The following TMEM59L variants were observed in gnomAD, a reference collection of about 807,000 sequenced individuals.
The protein encoded by TMEM59L is transmembrane protein 59-like.
Under a neutral mutation model 39.6 loss-of-function variants are expected in TMEM59L, and 31 were observed. The ratio of observed to expected loss-of-function variants is 0.78; its 90% CI spans 0.59 to 1.06. The LOEUF (loss-of-function observed/expected upper bound fraction) is 1.06, where lower values mean the gene tolerates loss of function less well. TMEM59L is among the 50% of genes least tolerant of loss of function. The probability of loss-of-function intolerance (pLI) is 0.00; values close to 1 mark genes in which losing one functional copy is unlikely to be tolerated. For synonymous variants in TMEM59L, 219 were observed against 202.9 expected, an observed-to-expected ratio of 1.08 and a Z score of -0.68; for missense variants, 441 against 451.3, an observed-to-expected ratio of 0.98 and a Z score of 0.21.
Position 18,612,889 on chromosome 19 carries a change from C to A in TMEM59L, c.-70C>A. On this transcript the variant is annotated 5_prime_UTR_variant, in exon 1 of 8. Coordinates refer to ENST00000262817, the MANE Select transcript of TMEM59L (RefSeq NM_012109.3). The surrounding 1 kb of genome is among the most constrained non-coding windows in gnomAD (Gnocchi z 6.2). ...GGTGACGTCAGCGCCCCGGTCCCCGCCGCAGCCGCTGCATCCTCCGTGCCC... is the reference window on the plus strand; with the variant it reads ...GGTGACGTCAGCGCCCCGGTCCCCGACGCAGCCGCTGCATCCTCCGTGCCC... 1 of 1,230,498 alleles carries A rather than the reference C, an allele frequency of 8.1e-7. No homozygotes were observed. The highest frequency in any genetic ancestry group is 3.2e-5 in the East Asian group (1 of 31,238). The allele number at this position is 1,230,498 out of a possible 1,614,324, so 76.2% of individuals were successfully genotyped here.
At chr19:18,617,838 AGGGTTCCAT>A in intron 5 of TMEM59L, 1 of 424,646 alleles carries the variant, frequency 2.4e-6, no homozygotes, top group East Asian at 5.4e-5. Flanking sequence ...TCCATCTCCC[AGGGTTCCAT>A]GGGTTCATCT....
chr19:18,613,789 C>T, intron 1 of TMEM59L, 83 bp from the exon 2 acceptor site: 1 of 1,155,688 alleles, frequency 8.7e-7, no homozygotes, highest in Non-Finnish European at 1.2e-6. Context: ...AAGCCTTTCC[C>T]TGCCTCTGCT....
Position 18,613,018 on chromosome 19 carries a change from G to C in TMEM59L, c.60G>C (p.Pro20=). 1.4e-6 allele frequency: 2 copies of C among 1,385,562 alleles called. No homozygotes were observed. The highest frequency in any genetic ancestry group is 1.6e-5 in the South Asian group (1 of 62,772). The allele number at this position is 1,385,562 out of a possible 1,614,324, so 85.8% of individuals were successfully genotyped here. A position where few individuals can be genotyped will look rare whatever the true frequency, so the allele number is the denominator to read the frequency against. The change falls in exon 1 of 8, where the codon CCG becomes CCC. Residue 20 remains proline, a synonymous_variant. Coordinates refer to ENST00000262817, the MANE Select transcript of TMEM59L (RefSeq NM_012109.3). ...TGCTGCTGCTGCTGTTGGCGTCGCC[G>C]CCCGCCGCCTCCGCGCCGTCCGCCC... The part of the protein sequence containing the change: ...PLLLLLLLAS[P]PAASAPSARD...
chr19:18,613,056 C>G lies in TMEM59L; in HGVS notation c.98C>G (p.Ala33Gly). Residue 33 changes from alanine to glycine, a missense_variant, in exon 1 of 8, where the codon GCC becomes GGC. By Grantham distance (60) the Ala-to-Gly change is moderately conservative. Transcript: ENST00000262817. ...ASAPSARDPF[A>G]PQLGDTQNCQ... ...GCGCCGTCCGCCCGCGATCCCTTCG[C>G]CCCCCAGCTCGGGGACACGCAGAAC... 2 of 1,385,498 alleles carry G rather than the reference C, an allele frequency of 1.4e-6. No homozygotes were observed. Among genetic ancestry groups the G allele is most frequent in the Non-Finnish European group, 1.9e-6 (2 of 1,071,930 alleles). The allele number at this position is 1,385,498 out of a possible 1,614,324, so 85.8% of individuals were successfully genotyped here. A position where few individuals can be genotyped will look rare whatever the true frequency, so the allele number is the denominator to read the frequency against.
intron 5 of TMEM59L, chr19:18,617,914 T>C (rs1239135667): frequency 1.8e-6 from 1 of 560,682 alleles, no homozygotes; most frequent in Non-Finnish European, 3.2e-6. Context: ...TCTCTCAGGG[T>C]TCCATGGTTC....
intron 5 of TMEM59L, 120 bp from the exon 6 acceptor site, chr19:18,618,035 G>A: frequency 1.3e-6 from 1 of 750,414 alleles, no homozygotes; most frequent in Non-Finnish European, 2.3e-6. Context: ...CATCTCCCAG[G>A]GCTCTGATCT....
Position 18,616,014 on chromosome 19 carries a change from T to G in TMEM59L, c.448T>G (p.Leu150Val). ...GGCTCCAAGTGGGGCCCTCTCCCTC[T>G]TGGACTTGTTTTCCACCCTCTGCAA... ...LEAPSGALSL[L>V]DLFSTLCNDL... is the part of the protein sequence containing the mutation. The change falls in exon 4 of 8, where the codon TTG becomes GTG. Residue 150 changes from leucine to valine, a missense_variant. Physicochemically the swap from Leu to Val is conservative, Grantham distance 32 (BLOSUM62 1). Transcript: ENST00000262817. 1 of 1,614,084 alleles carries G rather than the reference T, an allele frequency of 6.2e-7. No homozygotes were observed. Among genetic ancestry groups the G allele is most frequent in the Non-Finnish European group, 8.5e-7 (1 of 1,179,990 alleles).
At chr19:18,616,479 A>G (rs2074177) in intron 4 of TMEM59L, among the ~76,000 whole-genome samples, 36,386 of 151,674 alleles carry the variant, frequency 0.24, 4,805 homozygotes, top group East Asian at 0.51. Context: ...TGCAACCTCC[A>G]CCTCCCAGGT....
At position 18,620,479 on chromosome 19, in the gene TMEM59L, C is replaced by T. The variant is rs746898085; in HGVS notation, c.972C>T (p.His324=). 39 of 1,613,782 alleles carry T rather than the reference C, an allele frequency of 2.4e-5. No individual in the cohort carries two copies. The highest frequency in any genetic ancestry group is 4.5e-5 in the East Asian group (2 of 44,856). The change falls in exon 8 of 8, where the codon CAC becomes CAT. Residue 324 remains histidine (H), a synonymous_variant. Coordinates refer to ENST00000262817, the MANE Select transcript of TMEM59L (RefSeq NM_012109.3). ...GGCCCCTGTACCCGCCGCCGTCCCA[C>T]GCCTGTGAGGACAGCCTACCACCCT... ...PDWPLYPPPS[H]ACEDSLPPYK... is the part of the protein sequence containing the mutation.
chr19:18,617,329 G>A (rs537357892), intron 5 of TMEM59L: 8 of 637,682 alleles, frequency 1.3e-5, no homozygotes, highest in Admixed American at 2.1e-5. Context: ...CCAGGGTTCC[G>A]TGGTCCATCT....
intron 3 of TMEM59L, 142 bp downstream of exon 3, chr19:18,614,337 C>A: frequency 1.1e-6 from 1 of 892,446 alleles, no homozygotes; most frequent in Non-Finnish European, 1.7e-6. Context: ...CCATCCAGCC[C>A]CGTCATGTCT....
chr19:18,613,993 C>T lies in TMEM59L; in HGVS notation c.293C>T (p.Ala98Val). The change falls in exon 2 of 8, where the codon GCC becomes GTC. Residue 98 changes from alanine to valine, a missense_variant. Ala to Val is a moderately conservative substitution (Grantham distance 64). Coordinates refer to ENST00000262817, the MANE Select transcript of TMEM59L (RefSeq NM_012109.3). ...RFVARSSKPN[A>V]TQTECEAACV... is the part of the protein sequence containing the mutation. ...GTGGCCAGAAGCTCCAAGCCCAATG[C>T]CACCCAAACTGAGTGTGAAGCAGGT... is the stretch of plus-strand genomic sequence containing the variant. 6.2e-7 allele frequency: 1 copy of T among 1,613,432 alleles called. No individual in the cohort carries two copies.
intron 3 of TMEM59L, among the ~76,000 whole-genome samples, chr19:18,615,699 C>G (rs1392374138): frequency 6.6e-6 from 1 of 152,228 alleles, no homozygotes; most frequent in African/African-American, 2.4e-5. Flanking sequence ...CCTCTGCCTC[C>G]TGGGTTCAAG....
chr19:18,613,161 G>C, intron 1 of TMEM59L, 32 bp downstream of exon 1: 2 of 1,260,632 alleles, frequency 1.6e-6, no homozygotes, highest in Non-Finnish European at 9.9e-7. Flanking sequence ...GTGCCAGCGG[G>C]GGACGCGGGA....
chr19:18,620,572 G>T lies in TMEM59L; in HGVS notation c.*36G>T, dbSNP rs931427336. The stretch of plus-strand genomic sequence containing the variant: ...GCCCCATCACTGCCAACTGCAGGGG[G>T]CCCCTCGGGCCTCACTTGCCCTGAG... On this transcript the variant is annotated 3_prime_UTR_variant, in exon 8 of 8. Transcript: ENST00000262817. 4.4e-6 allele frequency: 7 copies of T among 1,603,314 alleles called. No individual in the cohort carries two copies. The highest frequency in any genetic ancestry group is 4.3e-6 in the Non-Finnish European group (5 of 1,174,286).
At chr19:18,616,926 G>A in intron 4 of TMEM59L, 74 bp from the exon 5 acceptor site, 1 of 1,185,526 alleles carries the variant, frequency 8.4e-7, no homozygotes, top group Non-Finnish European at 1.2e-6. Context: ...GGACATGGCA[G>A]TCACAGAGGG....
rs540905453 is a variant in TMEM59L, at chr19:18,620,449, C to T, written c.942C>T (p.Pro314=). The change falls in exon 8 of 8, where the codon CCC becomes CCT. Residue 314 remains proline (P), a synonymous_variant. Coordinates refer to ENST00000262817, the MANE Select transcript of TMEM59L (RefSeq NM_012109.3). ...LEQHKGFMME[P]DWPLYPPPSH... ...AGCACAAGGGCTTCATGATGGAGCC[C>T]GATTGGCCCCTGTACCCGCCGCCGT... 52 of 1,613,562 alleles carry T rather than the reference C, an allele frequency of 3.2e-5. 1 individual carries two copies. The Middle Eastern group carries it at 6.6e-4, about 20-fold the overall frequency.
At chr19:18,615,025 T>C (rs7259557) in intron 3 of TMEM59L, among the ~76,000 whole-genome samples, 99,926 of 152,036 alleles carry the variant, frequency 0.66, 34,643 homozygotes, top group African/African-American at 0.9. Context: ...CTCTGTTGCC[T>C]AGCCTGGAGT....
rs900416944 is a variant in TMEM59L, at chr19:18,620,430, A to G, written c.923A>G (p.Lys308Arg). 6.2e-7 allele frequency: 1 copy of G among 1,613,014 alleles called. No homozygotes were observed. Among genetic ancestry groups the G allele is most frequent in the Non-Finnish European group, 8.5e-7 (1 of 1,179,888 alleles). Reference sequence around the variant, plus strand: ...CAGCCTCTGACCCTGGAGCAGCACAAGGGCTTCATGATGGAGCCCGATTGG... The same window carrying G: ...CAGCCTCTGACCCTGGAGCAGCACAGGGGCTTCATGATGGAGCCCGATTGG... ...KFQPLTLEQH[K>R]GFMMEPDWPL... The change falls in exon 8 of 8, where the codon AAG becomes AGG. Residue 308 changes from lysine to arginine, a missense_variant. By Grantham distance (26) the Lys-to-Arg change is conservative. Transcript: ENST00000262817.
Sources: allele counts gnomAD v4.1 joint callset (sites outside exome capture counted in the v4.1 genomes callset), GRCh38; gene constraint gnomAD v4.1.1; non-coding constraint Gnocchi (gnomAD v3.1); transcripts MANE v1.5; gene names NCBI Gene and HGNC (gene_info 2026-07-23, HGNC 2026-07-21).